Variants in BICRA observed in about 807,000 individuals in gnomAD.
BICRA encodes the protein BRD4-interacting chromatin-remodeling complex-associated protein.
BICRA carries 31 observed loss-of-function variants against 96.9 expected under a neutral mutation model. The ratio of observed to expected loss-of-function variants is 0.32; its 90% CI spans 0.24 to 0.43. The LOEUF (loss-of-function observed/expected upper bound fraction) is 0.43. Ranked by LOEUF, BICRA falls within the 20% of genes least tolerant of loss-of-function variation. The probability of loss-of-function intolerance (pLI) is 1.00; values close to 1 mark genes in which losing one functional copy is unlikely to be tolerated. For synonymous variants in BICRA, 1,350 were observed against 1,071.8 expected (o/e 1.26, Z -5.07); for missense variants, 2,283 against 2,190.3 (o/e 1.04, Z -0.84).
intron 11 of BICRA, among the ~76,000 whole-genome samples, chr19:47,696,929 G>T (rs1973353753): frequency 6.6e-6 from 1 of 151,932 alleles, no homozygotes; most frequent in African/African-American, 2.4e-5. Flanking sequence ...GGGAGTCTGG[G>T]CGGATGGATG....
At chr19:47,634,245 G>A (rs932561576) in intron 1 of BICRA, among the ~76,000 whole-genome samples, 9 of 152,202 alleles carry the variant, frequency 5.9e-5, no homozygotes, top group Non-Finnish European at 7.3e-5. Context: ...TGAAGGCTCA[G>A]AGCCTGGAGC....
rs1368121903 is a variant in BICRA at position 47,702,187 on chromosome 19, C to G, written c.4455C>G (p.Ala1485=). Residue 1485 remains alanine (A), a synonymous_variant, in exon 15 of 15, where the codon GCC becomes GCG. Coordinates refer to ENST00000594866, the MANE Select transcript of BICRA (RefSeq NM_001394372.1). ...CCGAGTCGCCCGACGTGGACCAGGC[C>G]AGCTTCTCCAGCGACAGCCCGCAGG... is the stretch of plus-strand genomic sequence containing the variant. ...RKSESPDVDQ[A]SFSSDSPQDD... 2.5e-6 allele frequency: 4 copies of G among 1,589,764 alleles called. No individual in the cohort carries two copies. In the East Asian group the frequency reaches 9.1e-5, roughly 36 times the overall value.
At chr19:47,684,134 A>G (rs1973109260) in intron 7 of BICRA, among the ~76,000 whole-genome samples, 1 of 152,194 alleles carries the variant, frequency 6.6e-6, no homozygotes, top group South Asian at 2.1e-4. Flanking sequence ...ACGAGTTACT[A>G]TATGCTTAGC....
rs552383564 is a variant in BICRA, at chr19:47,671,608, T to C, written c.-6+1064T>C. Among the ~76,000 whole-genome samples, 366 of 150,054 alleles carry C rather than the reference T, an allele frequency of 2.4e-3. 1 individual carries two copies. Among genetic ancestry groups the C allele is most frequent in the Non-Finnish European group, 3.8e-3 (256 of 67,448 alleles). ...GTATTTGGCAGAAGGGAAGGAGGGGTGTTTGGATGGAAGCTTGGAAGGATA... is the reference window on the plus strand; with the variant it reads ...GTATTTGGCAGAAGGGAAGGAGGGGCGTTTGGATGGAAGCTTGGAAGGATA... On this transcript the variant is annotated intron_variant, in intron 2 of 14. Coordinates refer to ENST00000594866, the MANE Select transcript of BICRA (RefSeq NM_001394372.1).
chr19:47,688,318 C>T (rs1271577096), intron 7 of BICRA, among the ~76,000 whole-genome samples: 1 of 152,034 alleles, frequency 6.6e-6, no homozygotes, highest in East Asian at 1.9e-4. Context: ...ACAATCCACT[C>T]ATATGTTAGT....
chr19:47,682,508 G>A (rs1973081034), intron 7 of BICRA, among the ~76,000 whole-genome samples: 1 of 152,178 alleles, frequency 6.6e-6, no homozygotes, highest in African/African-American at 2.4e-5. Flanking sequence ...GTGGCCTCCT[G>A]TTGTCCTCCC....
At chr19:47,685,787 G>GTGTGCGCGCGCGCA (rs1491573025) in intron 7 of BICRA, among the ~76,000 whole-genome samples, 4 of 51,290 alleles carry the variant, frequency 7.8e-5, no homozygotes, top group Middle Eastern at 8.9e-3. Flanking sequence ...GTGTGTGTGT[G>GTGTGCGCGCGCGCA]CGCGCGCGCG....
chr19:47,701,595 C>A lies in BICRA; in HGVS notation c.3863C>A (p.Pro1288His). ...ASSLDADEDG[P>H]MPSRNRPPIK... ...TCCTTGGACGCCGACGAGGACGGCC[C>A]CATGCCCTCCCGCAACCGCCCGCCC... Residue 1288 changes from proline (P) to histidine (H), a missense_variant, in exon 15 of 15, where the codon CCC (proline) becomes CAC (histidine). Coordinates refer to ENST00000594866, the MANE Select transcript of BICRA (RefSeq NM_001394372.1). The surrounding 1 kb of genome is among the most constrained non-coding windows in gnomAD (Gnocchi z 5.4). 2 of 1,558,228 alleles carry A rather than the reference C, an allele frequency of 1.3e-6. No homozygotes were observed. Among genetic ancestry groups the A allele is most frequent in the South Asian group, 2.4e-5 (2 of 84,658 alleles).
chr19:47,661,791 A>G (rs567891818), intron 1 of BICRA: 5 of 152,388 alleles, frequency 3.3e-5, no homozygotes, highest in South Asian at 4.1e-4. Flanking sequence ...CTTGGTTCCT[A>G]AGTCCCCAGA....
At chr19:47,673,402 C>T (rs916214773) in intron 2 of BICRA, among the ~76,000 whole-genome samples, 168 bp from the exon 3 acceptor site, 1 of 152,014 alleles carries the variant, frequency 6.6e-6, no homozygotes, top group African/African-American at 2.4e-5. Flanking sequence ...GGGTTTCTGG[C>T]TGGGAGGGCA....
At position 47,680,297 on chromosome 19, in the gene BICRA, C is replaced by G; in HGVS notation, c.1127C>G (p.Ala376Gly). 1 of 1,554,506 alleles carries G rather than the reference C, an allele frequency of 6.4e-7. No individual in the cohort carries two copies. Among genetic ancestry groups the G allele is most frequent in the Non-Finnish European group, 8.6e-7 (1 of 1,158,784 alleles). ...CCCAAGCCGTTTGCGCCCGCGGGCG[C>G]CACGCTCACCATCCAGGGCGAGCCG... ...LTPKPFAPAG[A>G]TLTIQGEPGA... is the part of the protein sequence containing the mutation. Residue 376 changes from alanine (A) to glycine (G), a missense_variant, in exon 6 of 15, where the codon GCC (alanine) becomes GGC (glycine). By Grantham distance (60) the Ala-to-Gly change is moderately conservative (BLOSUM62 0). Coordinates refer to ENST00000594866, the MANE Select transcript of BICRA (RefSeq NM_001394372.1).
chr19:47,638,044 G>C (rs996525969), intron 1 of BICRA, among the ~76,000 whole-genome samples: 2 of 152,140 alleles, frequency 1.3e-5, no homozygotes, highest in Non-Finnish European at 2.9e-5. Flanking sequence ...TCTGCCCGGG[G>C]CTGCTCTTCC....
Position 47,674,923 on chromosome 19 carries a change from A to C in BICRA, c.85-928A>C, listed in dbSNP as rs576227042. Among the ~76,000 whole-genome samples the C allele has an allele frequency of 1.1e-3, 161 of 152,334 alleles. No homozygotes were observed. In the Middle Eastern group the frequency reaches 0.017, roughly 16 times the overall value. ...TAATCAGTCAGTCTGGCCAGCACTC[A>C]GAGGGAGGGGAATTGAGCTCCACCT... On this transcript the variant is annotated intron_variant, in intron 4 of 14. Transcript: ENST00000594866.
intron 7 of BICRA, among the ~76,000 whole-genome samples, chr19:47,690,800 G>GTC (rs1973230237): frequency 6.6e-6 from 1 of 151,790 alleles, no homozygotes; most frequent in Non-Finnish European, 1.5e-5. Flanking sequence ...GATTGTGTGT[G>GTC]TGTGTGTGTG....
At chr19:47,670,828 T>C (rs560969790) in intron 2 of BICRA, among the ~76,000 whole-genome samples, 1 of 151,866 alleles carries the variant, frequency 6.6e-6, no homozygotes. Flanking sequence ...TGTGAGCGGG[T>C]TGGGGAGGGA....
intron 1 of BICRA, among the ~76,000 whole-genome samples, chr19:47,632,571 G>GT (rs1972236527): frequency 6.6e-6 from 1 of 152,222 alleles, no homozygotes; most frequent in Admixed American, 6.5e-5. Flanking sequence ...GAGGTGGAGT[G>GT]TATTGGACTG....
intron 7 of BICRA, among the ~76,000 whole-genome samples, chr19:47,685,786 T>TGTGTGTGTGTGTGTGTGCGCGC: frequency 1.5e-4 from 18 of 117,964 alleles, no homozygotes; most frequent in African/African-American, 6.5e-4. Context: ...TGTGTGTGTG[T>TGTGTGTGTGTGTGTGTGCGCGC]GCGCGCGCGC....
At chr19:47,663,344 C>T (rs927128936) in intron 1 of BICRA, 6 of 152,292 alleles carry the variant, frequency 3.9e-5, no homozygotes, top group Admixed American at 3.9e-4. Flanking sequence ...CAAGATTGCG[C>T]CACTGCACTC....
Position 47,701,859 on chromosome 19 carries a change from T to A in BICRA, c.4127T>A (p.Leu1376Gln). ...PPPAAPERKP[L>Q]GTAPHCPRLP... ...CCTGCCGCCCCCGAGCGCAAGCCCCTGGGCACCGCCCCGCACTGCCCGCGC... is the reference window on the plus strand; with the variant it reads ...CCTGCCGCCCCCGAGCGCAAGCCCCAGGGCACCGCCCCGCACTGCCCGCGC... Residue 1376 changes from leucine (L) to glutamine (Q), a missense_variant, in exon 15 of 15, where the codon CTG (leucine) becomes CAG (glutamine). By Grantham distance (113) the Leu-to-Gln change is moderately radical (BLOSUM62 -2). Coordinates refer to ENST00000594866, the MANE Select transcript of BICRA (RefSeq NM_001394372.1). This position sits in a 1 kb window ranked among gnomAD's most constrained non-coding sequence, Gnocchi z 5.4. 6.6e-7 allele frequency: 1 copy of A among 1,506,838 alleles called. No individual in the cohort carries two copies. 93.3% of individuals were successfully genotyped at this position (1,506,838 alleles called of 1,614,324 possible). A position where few individuals can be genotyped will look rare whatever the true frequency, so the allele number is the denominator to read the frequency against.
Sources: gnomAD v4.1 joint callset for allele counts (sites outside exome capture counted in the v4.1 genomes callset) on GRCh38, gnomAD v4.1.1 for gene constraint, Gnocchi (gnomAD v3.1) non-coding constraint, MANE v1.5 for transcripts, NCBI Gene and HGNC (gene_info 2026-07-23, HGNC 2026-07-21) for gene names.